Variants in SLC35F5 observed in about 807,000 individuals in gnomAD.
SLC35F5 encodes HCV NS5A-transactivated protein 3.
A neutral mutation model predicts 68.6 loss-of-function variants in SLC35F5; 54 were observed. The ratio of observed to expected loss-of-function variants is 0.79; its 90% CI spans 0.63 to 0.99. The LOEUF (loss-of-function observed/expected upper bound fraction) is 0.99, where lower values mean the gene tolerates loss of function less well. Ranked by LOEUF, SLC35F5 falls within the 50% of genes least tolerant of loss-of-function variation. SLC35F5 has a pLI of 0.00. For synonymous variants in SLC35F5, 211 were observed against 205.2 expected (o/e 1.03, Z -0.24); for missense variants, 567 against 626.9 (o/e 0.90, Z 1.02).
In SLC35F5 at chr2:113,755,972, C is replaced by T. The variant is rs1159616692; in HGVS notation, c.40+398G>A. The T allele has an allele frequency of 5.2e-6, 8 of 1,548,004 alleles. No individual in the cohort carries two copies. The Admixed American group carries it at 1.6e-4, about 31-fold the overall frequency. On this transcript the variant is annotated intron_variant, in intron 1 of 15. Coordinates refer to ENST00000245680, the MANE Select transcript of SLC35F5 (RefSeq NM_025181.5). ...TGGTTATCGGAGAGTAAGTGATTTG[C>T]TGTGGGTCTTGAAGGCACCTTTCCA... is the stretch of plus-strand genomic sequence containing the variant.
intron 3 of SLC35F5, among the ~76,000 whole-genome samples, chr2:113,754,048 T>C (rs1424234078): frequency 6.6e-6 from 1 of 152,016 alleles, no homozygotes; most frequent in Non-Finnish European, 1.5e-5. Flanking sequence ...TCCCAGCACT[T>C]TGGGAGGCCG....
intron 5 of SLC35F5, 24 bp downstream of exon 5, chr2:113,746,253 C>G (rs1445854641): frequency 6.2e-7 from 1 of 1,600,468 alleles, no homozygotes; most frequent in Admixed American, 1.7e-5. Context: ...CCTCTCTATT[C>G]CTGACAAGAA....
intron 7 of SLC35F5, among the ~76,000 whole-genome samples, chr2:113,736,466 C>G (rs1022633166): frequency 6.6e-6 from 1 of 151,342 alleles, no homozygotes; most frequent in Non-Finnish European, 1.5e-5. Flanking sequence ...ATCGCTTTAT[C>G]TAAGTACTGC....
Position 113,756,636 on chromosome 2 carries a change from G to T in SLC35F5, c.-227C>A, listed in dbSNP as rs1408171419. The T allele has an allele frequency of 4.9e-6, 6 of 1,233,758 alleles. No individual in the cohort carries two copies. In the African/African-American group the frequency reaches 9.6e-5, roughly 20 times the overall value. The allele number at this position is 1,233,758 out of a possible 1,614,324, so 76.4% of individuals were successfully genotyped here. ...AGTCAGCTATGGCCGCGGAGGCCCGGAGATCTGCTCTGGCCCCGGCCCCGC... is the reference window on the plus strand; with the variant it reads ...AGTCAGCTATGGCCGCGGAGGCCCGTAGATCTGCTCTGGCCCCGGCCCCGC... On this transcript the variant is annotated 5_prime_UTR_variant, in exon 1 of 16. Coordinates refer to ENST00000245680, the MANE Select transcript of SLC35F5 (RefSeq NM_025181.5).
At chr2:113,746,581 C>G (rs938099262) in intron 4 of SLC35F5, among the ~76,000 whole-genome samples, 4 of 152,036 alleles carry the variant, frequency 2.6e-5, no homozygotes, top group Non-Finnish European at 5.9e-5. Context: ...AGGATTAAAA[C>G]CCAAGTTAGT....
chr2:113,735,413 T>C (rs950574864), intron 8 of SLC35F5, among the ~76,000 whole-genome samples: 3 of 152,238 alleles, frequency 2.0e-5, no homozygotes, highest in Non-Finnish European at 4.4e-5. Context: ...CTATATGCTA[T>C]AAGCCTATTG....
rs1166485974 is a variant in SLC35F5 at position 113,712,403 on chromosome 2, G to A, written c.*2815C>T. Among the ~76,000 whole-genome samples the A allele has an allele frequency of 6.6e-6, 1 of 151,974 alleles. No individual in the cohort carries two copies. Among genetic ancestry groups the A allele is most frequent in the Non-Finnish European group, 1.5e-5 (1 of 68,018 alleles). On this transcript the variant is annotated 3_prime_UTR_variant, in exon 16 of 16. Coordinates refer to ENST00000245680, the MANE Select transcript of SLC35F5 (RefSeq NM_025181.5). The stretch of plus-strand genomic sequence containing the variant: ...ACGATCTCGGCTCACTGCAGGCTCC[G>A]CCTCCCGGGTTCACGCCATTCTGCT...
chr2:113,702,992 C>T (rs138780885), downstream of SLC35F5, among the ~76,000 whole-genome samples: 3,362 of 152,124 alleles, frequency 0.022, 64 homozygotes, highest in African/African-American at 0.048. Flanking sequence ...CACCTGTAGT[C>T]CCAGCAACTT....
intron 10 of SLC35F5, among the ~76,000 whole-genome samples, chr2:113,730,179 T>A (rs1008230357): frequency 1.3e-5 from 2 of 152,196 alleles, no homozygotes; most frequent in African/African-American, 4.8e-5. Context: ...AATTTATACT[T>A]TTTAATGTTC....
At chr2:113,718,983 T>G (rs1046440049) in intron 14 of SLC35F5, among the ~76,000 whole-genome samples, 171 bp downstream of exon 14, 12 of 151,844 alleles carry the variant, frequency 7.9e-5, no homozygotes, top group African/African-American at 2.7e-4. Context: ...AGAAAGAATC[T>G]TATTACCCAA....
chr2:113,756,243 C>A lies in SLC35F5; in HGVS notation c.40+127G>T, dbSNP rs117731928. 101 of 1,535,626 alleles carry A rather than the reference C, an allele frequency of 6.6e-5. 1 individual carries two copies. The East Asian group carries it at 2.1e-3, about 32-fold the overall frequency. On this transcript the variant is annotated intron_variant, in intron 1 of 15. Coordinates refer to ENST00000245680, the MANE Select transcript of SLC35F5 (RefSeq NM_025181.5). ...CTGTCAGCTCCCGCTCCCTCCGCCC[C>A]TAGAGACCTTCACGGTTTCGGTCAA...
chr2:113,703,020 G>C (rs1686726980), downstream of SLC35F5, among the ~76,000 whole-genome samples: 4 of 152,008 alleles, frequency 2.6e-5, no homozygotes, highest in South Asian at 8.3e-4. Flanking sequence ...TGAGGTGGGA[G>C]AATCACTTGA....
At chr2:113,755,913 G>C in intron 1 of SLC35F5, 1 of 1,550,552 alleles carries the variant, frequency 6.4e-7, no homozygotes, top group Middle Eastern at 1.7e-4. Context: ...TTCTAAAAGT[G>C]TCTTTTCTGT....
At chr2:113,751,014 G>A (rs1014023849) in intron 3 of SLC35F5, among the ~76,000 whole-genome samples, 2 of 152,254 alleles carry the variant, frequency 1.3e-5, no homozygotes, top group African/African-American at 4.8e-5. Flanking sequence ...GGGTGGTGGC[G>A]TGCACCCTCA....
In SLC35F5 at chr2:113,750,436, G is replaced by C. The variant is rs1559363591; in HGVS notation, c.406C>G (p.His136Asp). 1.9e-6 allele frequency: 3 copies of C among 1,598,528 alleles called. No homozygotes were observed. Among genetic ancestry groups the C allele is most frequent in the Non-Finnish European group, 2.6e-6 (3 of 1,173,416 alleles). Residue 136 changes from histidine (H) to aspartate (D), a missense_variant, in exon 4 of 16, where the codon CAT becomes GAT. Physicochemically the swap from His to Asp is moderately conservative, Grantham distance 81. Coordinates refer to ENST00000245680, the MANE Select transcript of SLC35F5 (RefSeq NM_025181.5). ...AATTAAAAACTTACAAAAGCAGCAT[G>C]CTTTCCGCGAAGTCCTCTTGTACAC... ...QQCTRGLRGK[H>D]AAFFADAEGY...
At chr2:113,717,700 A>C in intron 15 of SLC35F5, 53 bp downstream of exon 15, 1 of 1,218,490 alleles carries the variant, frequency 8.2e-7, no homozygotes, top group Non-Finnish European at 1.2e-6. Context: ...AATCCTTTGA[A>C]TATTACACAG....
rs139024940 is a variant in SLC35F5 at position 113,719,163 on chromosome 2, C to T, written c.1487G>A (p.Arg496Gln). ...TTGGGACTAAACTTACCTCTGAATTCGATGTTTTCTGCATATAAAAGCAAA... is the reference window on the plus strand; with the variant it reads ...TTGGGACTAAACTTACCTCTGAATTTGATGTTTTCTGCATATAAAAGCAAA... ...RIFAFICRKH[R>Q]IQRVPEDSEQ... The change falls in exon 14 of 16, where the codon CGA becomes CAA. Residue 496 changes from arginine to glutamine, a missense_variant. Arg to Gln is a conservative substitution (Grantham distance 43, BLOSUM62 1). Transcript: ENST00000245680. The T allele has an allele frequency of 5.9e-5, 95 of 1,603,568 alleles. No individual in the cohort carries two copies. In the Admixed American group the frequency reaches 9.0e-4, roughly 15 times the overall value.
Position 113,711,706 on chromosome 2 carries a change from C to T in SLC35F5, c.*3512G>A, listed in dbSNP as rs1686989760. Among the ~76,000 whole-genome samples, 1 of 152,142 alleles carries T rather than the reference C, an allele frequency of 6.6e-6. No individual in the cohort carries two copies. Among genetic ancestry groups the T allele is most frequent in the Non-Finnish European group, 1.5e-5 (1 of 68,030 alleles). On this transcript the variant is annotated 3_prime_UTR_variant, in exon 16 of 16. Coordinates refer to ENST00000245680, the MANE Select transcript of SLC35F5 (RefSeq NM_025181.5). ...CACAATGTTAGCTATGTAAGTTTAT[C>T]TGCAGATGTTACAGGTAATTATTTC...
Position 113,708,854 on chromosome 2 carries a change from CT to C in SLC35F5, c.*6363del, listed in dbSNP as rs3214782. On this transcript the variant is annotated 3_prime_UTR_variant, in exon 16 of 16. Transcript: ENST00000245680. ...ATCAAGCAGGTGATGAAAACTATACCTTTTGAACATGCATTAGGTAACCAGG... is the reference window on the plus strand; with the variant it reads ...ATCAAGCAGGTGATGAAAACTATACCTTTGAACATGCATTAGGTAACCAGG... Among the ~76,000 whole-genome samples, 37,326 of 152,076 alleles carry C rather than the reference CT, an allele frequency of 0.25. 4,962 individuals are homozygous for C. The highest frequency in any genetic ancestry group is 0.5 in the Middle Eastern group (146 of 294).
Sources: gnomAD v4.1 joint callset for allele counts (sites outside exome capture counted in the v4.1 genomes callset) on GRCh38, gnomAD v4.1.1 for gene constraint, MANE v1.5 for transcripts, NCBI Gene and HGNC (gene_info 2026-07-23, HGNC 2026-07-21) for gene names.